OTOP1: variants seen among roughly 807,000 people sequenced by gnomAD.
The protein encoded by OTOP1 is proton channel OTOP1.
Under a neutral mutation model 52.9 loss-of-function variants are expected in OTOP1, and 59 were observed. The ratio of observed to expected loss-of-function variants is 1.12; its 90% CI spans 0.91 to 1.39. OTOP1 has a LOEUF of 1.39. OTOP1 is among the 40% of genes most tolerant of loss of function. OTOP1 has a pLI of 0.00. For synonymous variants in OTOP1, 317 were observed against 337.7 expected, an observed-to-expected ratio of 0.94 and a Z score of 0.67; for missense variants, 761 against 800.9, an observed-to-expected ratio of 0.95 and a Z score of 0.60.
At chr4:4,225,875 C>T (rs1459074079) in intron 1 of OTOP1, among the ~76,000 whole-genome samples, 1 of 152,028 alleles carries the variant, frequency 6.6e-6, no homozygotes, top group Non-Finnish European at 1.5e-5. Context: ...ACCTGCAAAG[C>T]CGGGAGGAGA....
intron 1 of OTOP1, among the ~76,000 whole-genome samples, chr4:4,219,811 G>GTA (rs1335527077): frequency 7.1e-6 from 1 of 141,370 alleles, no homozygotes; most frequent in African/African-American, 2.5e-5. Flanking sequence ...ATATATACGT[G>GTA]TATATATGTA....
chr4:4,222,285 G>A lies in OTOP1; in HGVS notation c.403+4177C>T, dbSNP rs184059859. ...GGGCTGCCCCTGGTCTGAAACTATC[G>A]GGAGAGGCTTCCCAGAGGAAATGAC... On this transcript the variant is annotated intron_variant, in intron 1 of 5. Transcript: ENST00000296358. 4.4e-3 allele frequency among the ~76,000 whole-genome samples: 667 copies of A among 152,190 alleles called. 9 individuals are homozygous for A. The highest frequency in any genetic ancestry group is 0.015 in the African/African-American group (611 of 41,506).
chr4:4,223,979 G>A (rs1421158617), intron 1 of OTOP1, among the ~76,000 whole-genome samples: 1 of 151,628 alleles, frequency 6.6e-6, no homozygotes, highest in Non-Finnish European at 1.5e-5. Flanking sequence ...GAGGGACAGT[G>A]GAGAGAAGGA....
chr4:4,215,756 C>A (rs1388659214), intron 1 of OTOP1, among the ~76,000 whole-genome samples: 2 of 152,070 alleles, frequency 1.3e-5, no homozygotes, highest in African/African-American at 4.8e-5. Flanking sequence ...GTCTTTGCAA[C>A]TTTTCCATAA....
chr4:4,208,229 A>G (rs140572356), intron 2 of OTOP1, among the ~76,000 whole-genome samples: 1 of 152,194 alleles, frequency 6.6e-6, no homozygotes, highest in African/African-American at 2.4e-5. Flanking sequence ...GGAGCCCACA[A>G]GGAATTTCCT....
At chr4:4,211,791 C>T (rs1717031986) in intron 2 of OTOP1, among the ~76,000 whole-genome samples, 1 of 151,960 alleles carries the variant, frequency 6.6e-6, no homozygotes, top group Non-Finnish European at 1.5e-5. Flanking sequence ...TAAATAAAAA[C>T]AAAATAACCT....
In OTOP1 at chr4:4,197,191, G is replaced by A. The variant is rs755174611; in HGVS notation, c.1643C>T (p.Ala548Val). Residue 548 changes from alanine (A) to valine (V), a missense_variant, in exon 5 of 6, where the codon GCC becomes GTC. Transcript: ENST00000296358. The stretch of plus-strand genomic sequence containing the variant: ...CGAAATATTGCAGAGGAACAAGAAG[G>A]CTGCAATATTCCTCAGGACTTTTCT... ...AKRKVLRNIA[A>V]FLFLCNISLW... is the part of the protein sequence containing the mutation. 18 of 1,611,130 alleles carry A rather than the reference G, an allele frequency of 1.1e-5. No individual in the cohort carries two copies. The African/African-American group carries it at 1.6e-4, about 14-fold the overall frequency.
Position 4,202,487 on chromosome 4 carries a change from C to A in OTOP1, c.691G>T (p.Glu231Ter), listed in dbSNP as rs768997110. The change falls in exon 4 of 6, where the codon GAA (glutamate) becomes TAA (stop). Residue 231 changes from glutamate (E) to a stop codon, truncating the protein, a stop_gained. Transcript: ENST00000296358. LOFTEE classifies it high-confidence loss of function. ...ESKHQLNEHK[E>*]RLITLGFGNI... The stretch of plus-strand genomic sequence containing the variant: ...CCAAAACCCAGAGTGATGAGCCGTT[C>A]CTTGTGCTCATTGAGTTGGTGCTTT... 6.2e-7 allele frequency: 1 copy of A among 1,614,076 alleles called. No individual in the cohort carries two copies. The highest frequency in any genetic ancestry group is 8.5e-7 in the Non-Finnish European group (1 of 1,179,968).
Position 4,188,743 on chromosome 4 carries a change from C to G in OTOP1, c.*60G>C. On this transcript the variant is annotated 3_prime_UTR_variant, in exon 6 of 6. Transcript: ENST00000296358. ...AGGCAATATTTGCCCAACCTGGCCA[C>G]TCCTAGTTGGCTCCAATGAACTCTT... 6.7e-7 allele frequency: 1 copy of G among 1,485,852 alleles called. No individual in the cohort carries two copies. The highest frequency in any genetic ancestry group is 9.0e-7 in the Non-Finnish European group (1 of 1,107,710). The allele number at this position is 1,485,852 out of a possible 1,614,324, so 92.0% of individuals were successfully genotyped here.
Position 4,226,737 on chromosome 4 carries a change from G to C in OTOP1, c.128C>G (p.Ala43Gly). 7 of 1,396,618 alleles carry C rather than the reference G, an allele frequency of 5.0e-6. No individual in the cohort carries two copies. Among genetic ancestry groups the C allele is most frequent in the Non-Finnish European group, 2.8e-6 (3 of 1,074,238 alleles). The allele number at this position is 1,396,618 out of a possible 1,614,324, so 86.5% of individuals were successfully genotyped here. A position where few individuals can be genotyped will look rare whatever the true frequency, so the allele number is the denominator to read the frequency against. The change falls in exon 1 of 6, where the codon GCC becomes GGC. Residue 43 changes from alanine (A) to glycine (G), a missense_variant. This residue lies in a region of OTOP1 where 73 missense variants were observed against 75.7 expected (regional missense o/e 0.96). Transcript: ENST00000296358. ...GGCGCGCACACCGCCCCGCCGGGGGGCCGGGGATTCCGGGGACCTCGGGGC... is the reference window on the plus strand; with the variant it reads ...GGCGCGCACACCGCCCCGCCGGGGGCCCGGGGATTCCGGGGACCTCGGGGC... ...SSAPRSPESPAPRRGGVRASV... is the reference protein window; with the variant it reads ...SSAPRSPESPGPRRGGVRASV...
At chr4:4,221,998 A>G (rs1717311606) in intron 1 of OTOP1, among the ~76,000 whole-genome samples, 1 of 152,118 alleles carries the variant, frequency 6.6e-6, no homozygotes, top group Admixed American at 6.6e-5. Flanking sequence ...TGGAGCTTCT[A>G]TCTTCACTTG....
intron 2 of OTOP1, among the ~76,000 whole-genome samples, chr4:4,212,534 C>T (rs1288201021): frequency 2.6e-5 from 4 of 152,164 alleles, no homozygotes; most frequent in South Asian, 4.1e-4. Flanking sequence ...TTATACGCCA[C>T]GTGAATTCTC....
At chr4:4,220,099 A>AT (rs1553853649) in intron 1 of OTOP1, among the ~76,000 whole-genome samples, 4 of 80,050 alleles carry the variant, frequency 5.0e-5, no homozygotes, top group African/African-American at 3.2e-4. Context: ...ATATATATAT[A>AT]TATATATTTT....
chr4:4,204,947 T>G (rs777035182), intron 3 of OTOP1, among the ~76,000 whole-genome samples: 1 of 152,130 alleles, frequency 6.6e-6, no homozygotes, highest in African/African-American at 2.4e-5. Context: ...ATTTTTTTTG[T>G]ATTTTTAGTA....
At chr4:4,192,203 C>T (rs1366269434) in intron 5 of OTOP1, among the ~76,000 whole-genome samples, 1 of 152,156 alleles carries the variant, frequency 6.6e-6, no homozygotes, top group Non-Finnish European at 1.5e-5. Context: ...GGCCCTGAAC[C>T]ACCAAGTACG....
At chr4:4,196,177 G>T (rs180907251) in intron 5 of OTOP1, among the ~76,000 whole-genome samples, 2,890 of 152,226 alleles carry the variant, frequency 0.019, 40 homozygotes, top group Non-Finnish European at 0.03. Flanking sequence ...CCAGCACTTT[G>T]GGAGGCTGAG....
At chr4:4,191,547 C>T (rs1011109874) in intron 5 of OTOP1, among the ~76,000 whole-genome samples, 9 of 152,274 alleles carry the variant, frequency 5.9e-5, no homozygotes, top group African/African-American at 9.6e-5. Flanking sequence ...AAACCAGAAC[C>T]GCTCACTCCC....
At chr4:4,219,750 C>T (rs917531205) in intron 1 of OTOP1, among the ~76,000 whole-genome samples, 30 of 148,724 alleles carry the variant, frequency 2.0e-4, no homozygotes, top group African/African-American at 6.9e-4. Flanking sequence ...ACATGTGTGC[C>T]CAAATAAAAC....
intron 2 of OTOP1, among the ~76,000 whole-genome samples, chr4:4,211,459 G>T (rs550240134): frequency 1.3e-5 from 2 of 152,342 alleles, no homozygotes; most frequent in East Asian, 3.9e-4. Flanking sequence ...AGAAAAAAAT[G>T]AGGGCAGAGC....
Sources: allele counts gnomAD v4.1 joint callset (sites outside exome capture counted in the v4.1 genomes callset), GRCh38; gene constraint gnomAD v4.1.1; regional missense constraint gnomAD v4.1.1; transcripts MANE v1.5; gene names NCBI Gene and HGNC (gene_info 2026-07-23, HGNC 2026-07-21).